Variants in NTRK3 observed in about 807,000 individuals in gnomAD.
NTRK3 encodes neurotrophic receptor tyrosine kinase 3, also known as NT-3 growth factor receptor.
A neutral mutation model predicts 91.7 loss-of-function variants in NTRK3; 24 were observed. The ratio of observed to expected loss-of-function variants is 0.26; its 90% CI spans 0.19 to 0.37. The LOEUF (loss-of-function observed/expected upper bound fraction) is 0.37. Ranked by LOEUF, NTRK3 falls within the 10% of genes least tolerant of loss-of-function variation. NTRK3 has a pLI of 1.00. For missense variants in NTRK3, 880 were observed against 1,068.9 expected, an observed-to-expected ratio of 0.82 and a Z score of 2.46; for synonymous variants, 483 against 404.0, an observed-to-expected ratio of 1.20 and a Z score of -2.34.
At chr15:88,030,356 C>T (rs999161920) in intron 14 of NTRK3, among the ~76,000 whole-genome samples, 2 of 152,106 alleles carry the variant, frequency 1.3e-5, no homozygotes, top group South Asian at 2.1e-4. Context: ...GTTTTGACAC[C>T]AAAGGATGTT....
chr15:87,999,369 TTAG>T (rs762452493), intron 14 of NTRK3, among the ~76,000 whole-genome samples: 29 of 152,250 alleles, frequency 1.9e-4, no homozygotes, highest in Admixed American at 7.2e-4. Context: ...CAGCAGGTAC[TTAG>T]TAGTCTAAAC....
At chr15:87,975,420 G>A (rs1028794821) in intron 14 of NTRK3, among the ~76,000 whole-genome samples, 2 of 152,176 alleles carry the variant, frequency 1.3e-5, no homozygotes, top group Non-Finnish European at 2.9e-5. Context: ...AATCTGTGCA[G>A]CAAAATCCCG....
At chr15:88,022,902 C>A (rs188415788) in intron 14 of NTRK3, among the ~76,000 whole-genome samples, 12 of 152,314 alleles carry the variant, frequency 7.9e-5, no homozygotes, top group African/African-American at 2.9e-4. Flanking sequence ...AGGCACAGAG[C>A]AGATGAGGTC....
At chr15:87,880,221 C>G (rs2065167984) in intron 18 of NTRK3, 49 bp downstream of exon 19, 1 of 1,612,090 alleles carries the variant, frequency 6.2e-7, no homozygotes. Flanking sequence ...GCTGAGATAG[C>G]TCTTATGAGC....
At chr15:88,227,378 T>A (rs2050764895) in intron 3 of NTRK3, among the ~76,000 whole-genome samples, 1 of 152,232 alleles carries the variant, frequency 6.6e-6, no homozygotes, top group Non-Finnish European at 1.5e-5. Flanking sequence ...GGTGTGTGAC[T>A]GTATTTGGAG....
intron 17 of NTRK3, among the ~76,000 whole-genome samples, chr15:87,884,330 T>C (rs1432970724): frequency 2.0e-5 from 3 of 151,624 alleles, no homozygotes; most frequent in Non-Finnish European, 4.4e-5. Flanking sequence ...AAAACCATAA[T>C]TGTAAAAAAA....
chr15:88,165,107 C>T (rs1157064410), intron 5 of NTRK3, among the ~76,000 whole-genome samples: 1 of 152,172 alleles, frequency 6.6e-6, no homozygotes, highest in Non-Finnish European at 1.5e-5. Flanking sequence ...AGAGACAATG[C>T]AATCTGCATT....
chr15:88,028,188 G>T (rs544434274), intron 14 of NTRK3, among the ~76,000 whole-genome samples: 2 of 152,190 alleles, frequency 1.3e-5, no homozygotes, highest in South Asian at 4.1e-4. Flanking sequence ...AGGGCACAAG[G>T]TGCTCTCAGT....
rs544705370 is a variant in NTRK3 at position 88,105,320 on chromosome 15, G to A, written c.1396+20951C>T. Among the ~76,000 whole-genome samples, 7 of 152,246 alleles carry A rather than the reference G, an allele frequency of 4.6e-5. No individual in the cohort carries two copies. The East Asian group carries it at 9.7e-4, about 21-fold the overall frequency. On this transcript the variant is annotated intron_variant, in intron 13 of 18. Coordinates refer to ENST00000394480, the Ensembl canonical transcript of NTRK3. Reference sequence around the variant, plus strand: ...GTCAGAGATGACTCTCCAGATTTAGGGGAACATTCAAGGAAGGCCCAAGGA... The same window carrying A: ...GTCAGAGATGACTCTCCAGATTTAGAGGAACATTCAAGGAAGGCCCAAGGA...
intron 5 of NTRK3, among the ~76,000 whole-genome samples, chr15:88,166,564 C>T (rs1567566056): frequency 6.6e-6 from 1 of 152,112 alleles, no homozygotes; most frequent in Non-Finnish European, 1.5e-5. Flanking sequence ...GGTGCTGAAC[C>T]CCCAGGGACG....
At chr15:87,930,981 T>C in intron 16 of NTRK3, 1 of 298,582 alleles carries the variant, frequency 3.3e-6, no homozygotes, top group Non-Finnish European at 6.6e-6. Flanking sequence ...GCATTCCCCA[T>C]GCTGTCTGCC....
chr15:87,906,373 C>A (rs1270106774), intron 17 of NTRK3, among the ~76,000 whole-genome samples: 1 of 152,314 alleles, frequency 6.6e-6, no homozygotes, highest in East Asian at 1.9e-4. Context: ...TTAAGATGCT[C>A]TGAATGGCCA....
intron 14 of NTRK3, among the ~76,000 whole-genome samples, chr15:88,005,652 C>T (rs953315150): frequency 2.0e-5 from 3 of 152,146 alleles, no homozygotes; most frequent in Non-Finnish European, 4.4e-5. Flanking sequence ...GAATACCTGA[C>T]ATCTGTATAT....
chr15:87,978,182 T>C (rs1435766725), intron 14 of NTRK3: 2 of 229,894 alleles, frequency 8.7e-6, no homozygotes, highest in Non-Finnish European at 1.7e-5. Flanking sequence ...GTCACCCCCT[T>C]CCCTCTCCTC....
chr15:88,117,669 T>A (rs1052552040), intron 13 of NTRK3, among the ~76,000 whole-genome samples: 1 of 152,298 alleles, frequency 6.6e-6, no homozygotes, highest in Admixed American at 6.5e-5. Flanking sequence ...GCCACACAAA[T>A]TAGGTAGCCG....
intron 3 of NTRK3, among the ~76,000 whole-genome samples, chr15:88,213,732 C>T (rs1350836187): frequency 2.6e-5 from 4 of 152,090 alleles, no homozygotes; most frequent in East Asian, 3.8e-4. Flanking sequence ...AAGAAGAAAC[C>T]GAGGCACAGA....
At chr15:88,185,018 T>A (rs761119187) in intron 3 of NTRK3, among the ~76,000 whole-genome samples, 1 of 152,232 alleles carries the variant, frequency 6.6e-6, no homozygotes, top group African/African-American at 2.4e-5. Context: ...CCCAGTGACT[T>A]TGAGCCAGTG....
chr15:88,099,634 G>A (rs1269407444), intron 13 of NTRK3, among the ~76,000 whole-genome samples: 5 of 152,176 alleles, frequency 3.3e-5, no homozygotes, highest in South Asian at 4.1e-4. Context: ...CTGGGTGCTA[G>A]CCGGGTCTGC....
At chr15:88,118,296 A>G (rs1238376309) in intron 13 of NTRK3, among the ~76,000 whole-genome samples, 2 of 152,194 alleles carry the variant, frequency 1.3e-5, no homozygotes, top group African/African-American at 4.8e-5. Flanking sequence ...AAAGCCTATC[A>G]TCATGCCTCT....
Sources: gnomAD v4.1 joint callset for allele counts (sites outside exome capture counted in the v4.1 genomes callset) on GRCh38, gnomAD v4.1.1 for gene constraint, MANE v1.5 for transcripts, NCBI Gene and HGNC (gene_info 2026-07-23, HGNC 2026-07-21) for gene names.